Variants in SLC11A2 observed in about 807,000 individuals in gnomAD.
The protein encoded by SLC11A2 is natural resistance-associated macrophage protein 2.
Under a neutral mutation model 68.0 loss-of-function variants are expected in SLC11A2, and 38 were observed. That is an observed-to-expected ratio of 0.56 (90% CI 0.43 to 0.73). SLC11A2 has a LOEUF of 0.73. Ranked by LOEUF, SLC11A2 falls within the 30% of genes least tolerant of loss-of-function variation. The probability of loss-of-function intolerance (pLI) is 0.00; values close to 1 mark genes in which losing one functional copy is unlikely to be tolerated. For synonymous variants in SLC11A2, 242 were observed against 250.6 expected (o/e 0.97, Z 0.32); for missense variants, 517 against 690.5 (o/e 0.75, Z 2.82).
downstream of SLC11A2, among the ~76,000 whole-genome samples, chr12:50,983,188 A>G (rs1047233886): frequency 6.6e-6 from 1 of 152,104 alleles, no homozygotes; most frequent in Admixed American, 6.6e-5. Flanking sequence ...ACACTCAGCT[A>G]ATTTTTTTGT....
chr12:50,992,739 AAAAAAAAG>A, intron 12 of SLC11A2, 63 bp downstream of exon 12: 4 of 1,459,382 alleles, frequency 2.7e-6, no homozygotes, highest in Non-Finnish European at 2.8e-6. Flanking sequence ...TCAAAAAAAA[AAAAAAAAG>A]AAGAAGAAGA....
downstream of SLC11A2, chr12:50,979,375 A>G (rs10506298): frequency 0.15 from 24,354 of 160,548 alleles, 2,041 homozygotes; most frequent in South Asian, 0.26. Flanking sequence ...TAGAAATTCC[A>G]TAAGTACTTA....
At chr12:51,011,181 T>G (rs1012322256) in intron 1 of SLC11A2, among the ~76,000 whole-genome samples, 2 of 151,134 alleles carry the variant, frequency 1.3e-5, no homozygotes, top group East Asian at 3.9e-4. Context: ...CAGGCTGGAG[T>G]GCAGTGGTGC....
Position 50,986,578 on chromosome 12 carries a change from T to C in SLC11A2, c.*1747A>G, listed in dbSNP as rs1177160892. 1 of 1,286,954 alleles carries C rather than the reference T, an allele frequency of 7.8e-7. No homozygotes were observed. The allele number at this position is 1,286,954 out of a possible 1,614,324, so 79.7% of individuals were successfully genotyped here. A position where few individuals can be genotyped will look rare whatever the true frequency, so the allele number is the denominator to read the frequency against. ...CATATCATCTTTATAAAGAATTTTT[T>C]TTTTGTCGTCAGTTTGGCCTTTCCT... On this transcript the variant is annotated 3_prime_UTR_variant, in exon 16 of 16. Transcript: ENST00000262052.
chr12:51,009,317 C>A, intron 2 of SLC11A2: 1 of 1,254,236 alleles, frequency 8.0e-7, no homozygotes, highest in Non-Finnish European at 1.0e-6. Context: ...CAGGGCTCAT[C>A]TCAGACTGAT....
the SLC11A2 span, among the ~76,000 whole-genome samples, chr12:50,959,805 G>A: frequency 0.016 from 2,448 of 151,956 alleles, 63 homozygotes; most frequent in African/African-American, 0.056. Flanking sequence ...GTACCACCAC[G>A]CCCGGCTAAT....
intron 12 of SLC11A2, 90 bp from the exon 13 acceptor site, chr12:50,992,429 G>A: frequency 1.6e-6 from 2 of 1,259,698 alleles, no homozygotes; most frequent in Non-Finnish European, 2.3e-6. Flanking sequence ...AGAAGAATGG[G>A]ATTAAGAAGT....
chr12:50,960,759 T>C, the SLC11A2 span, among the ~76,000 whole-genome samples: 11 of 152,130 alleles, frequency 7.2e-5, no homozygotes, highest in South Asian at 2.1e-4. Context: ...CACAGCTCAC[T>C]GAAGCCCTGA....
At chr12:50,955,602 G>A in the SLC11A2 span, among the ~76,000 whole-genome samples, 1 of 152,262 alleles carries the variant, frequency 6.6e-6, no homozygotes, top group African/African-American at 2.4e-5. Flanking sequence ...CCCGTTAAGT[G>A]TTACTCTGAC....
At chr12:50,963,866 C>T in the SLC11A2 span, among the ~76,000 whole-genome samples, 3 of 152,286 alleles carry the variant, frequency 2.0e-5, no homozygotes, top group South Asian at 6.2e-4. Context: ...CACTGTCCAG[C>T]CCTTGTCAAC....
chr12:50,991,829 T>C (rs1423800114), intron 13 of SLC11A2, among the ~76,000 whole-genome samples, 157 bp from the exon 14 acceptor site: 1 of 152,248 alleles, frequency 6.6e-6, no homozygotes. Flanking sequence ...TTATGCTGAA[T>C]TCTGCAGAGC....
Position 51,008,548 on chromosome 12 carries a change from T to C in SLC11A2, c.111A>G (p.Ser37=), listed in dbSNP as rs1362439926. 1.2e-6 allele frequency: 2 copies of C among 1,610,988 alleles called. No individual in the cohort carries two copies. Among genetic ancestry groups the C allele is most frequent in the Admixed American group, 3.3e-5 (2 of 59,982 alleles). The change falls in exon 3 of 16, where the codon TCA becomes TCG. Residue 37 remains serine, a synonymous_variant. Transcript: ENST00000262052. ...INPAYSNPSL[S]QSPGDSEEYF... is the part of the protein sequence containing the mutation. ...ACTCCTCTGAGTCCCCAGGGGACTG[T>C]GAAAGAGAGGGATTACTATAGGCAG...
At chr12:50,966,800 G>A in the SLC11A2 span, among the ~76,000 whole-genome samples, 1 of 142,896 alleles carries the variant, frequency 7.0e-6, no homozygotes, top group South Asian at 2.4e-4. Context: ...TCCTTCTAAA[G>A]CAATGGTTTA....
the SLC11A2 span, chr12:50,954,141 T>C: frequency 9.0e-7 from 1 of 1,107,264 alleles, no homozygotes; most frequent in Middle Eastern, 2.0e-4. Flanking sequence ...AACACAATGA[T>C]GCCTTACCCA....
At chr12:50,997,194 C>A (rs1446743583) in intron 8 of SLC11A2, among the ~76,000 whole-genome samples, 1 of 152,114 alleles carries the variant, frequency 6.6e-6, no homozygotes, top group African/African-American at 2.4e-5. Context: ...CTTCCCACCT[C>A]AGCCACCCAA....
chr12:50,986,569 A>G lies in SLC11A2; in HGVS notation c.*1756T>C. 1 of 1,287,044 alleles carries G rather than the reference A, an allele frequency of 7.8e-7. No individual in the cohort carries two copies. Among genetic ancestry groups the G allele is most frequent in the Non-Finnish European group, 1.0e-6 (1 of 988,664 alleles). The allele number at this position is 1,287,044 out of a possible 1,614,324, so 79.7% of individuals were successfully genotyped here. A position where few individuals can be genotyped will look rare whatever the true frequency, so the allele number is the denominator to read the frequency against. On this transcript the variant is annotated 3_prime_UTR_variant, in exon 16 of 16. Transcript: ENST00000262052. ...ACATGTTACCATATCATCTTTATAAAGAATTTTTTTTTTGTCGTCAGTTTG... is the reference window on the plus strand; with the variant it reads ...ACATGTTACCATATCATCTTTATAAGGAATTTTTTTTTTGTCGTCAGTTTG...
At chr12:50,958,834 T>C in the SLC11A2 span, among the ~76,000 whole-genome samples, 1 of 151,374 alleles carries the variant, frequency 6.6e-6, no homozygotes, top group East Asian at 2.1e-4. Context: ...CTGGCCAACA[T>C]AGCGAGACAT....
chr12:50,957,430 C>A, the SLC11A2 span, among the ~76,000 whole-genome samples: 2 of 151,682 alleles, frequency 1.3e-5, no homozygotes. Context: ...AACTCCTGAC[C>A]TCAAGTGATC....
the SLC11A2 span, among the ~76,000 whole-genome samples, chr12:50,963,263 A>T: frequency 6.6e-6 from 1 of 150,590 alleles, no homozygotes; most frequent in East Asian, 2.0e-4. Flanking sequence ...CCAGCTACTC[A>T]GGAGGCTGAA....
Sources: gnomAD v4.1 joint callset for allele counts (sites outside exome capture counted in the v4.1 genomes callset) on GRCh38, gnomAD v4.1.1 for gene constraint, MANE v1.5 for transcripts, NCBI Gene and HGNC (gene_info 2026-07-23, HGNC 2026-07-21) for gene names.